The following TRPC4 variants were observed in gnomAD, a reference collection of about 807,000 sequenced individuals.
TRPC4 encodes transient receptor potential cation channel subfamily C member 4.
A neutral mutation model predicts 99.4 loss-of-function variants in TRPC4; 49 were observed. That is an observed-to-expected ratio of 0.49 (90% CI 0.39 to 0.63). The LOEUF (loss-of-function observed/expected upper bound fraction) is 0.63. Ranked by LOEUF, TRPC4 falls within the 20% of genes least tolerant of loss-of-function variation. The pLI is 0.00. For synonymous variants in TRPC4, 454 were observed against 425.9 expected, an observed-to-expected ratio of 1.07 and a Z score of -0.81; for missense variants, 898 against 1,152.9, an observed-to-expected ratio of 0.78 and a Z score of 3.20.
At chr13:37,640,696 C>T (rs569686917) in intron 8 of TRPC4, among the ~76,000 whole-genome samples, 1 of 152,284 alleles carries the variant, frequency 6.6e-6, no homozygotes, top group African/African-American at 2.4e-5. Flanking sequence ...CATATTGAGA[C>T]ATAGCTCAGC....
intron 1 of TRPC4, among the ~76,000 whole-genome samples, chr13:37,784,380 G>A (rs1956919519): frequency 6.6e-6 from 1 of 152,038 alleles, no homozygotes; most frequent in Non-Finnish European, 1.5e-5. Flanking sequence ...GTAAATGAAA[G>A]CTCATCTTAC....
At chr13:37,642,590 A>T (rs1951748464) in intron 8 of TRPC4, among the ~76,000 whole-genome samples, 1 of 152,108 alleles carries the variant, frequency 6.6e-6, no homozygotes, top group Admixed American at 6.5e-5. Context: ...AGGGAATGCA[A>T]GATATTGGGA....
At chr13:37,723,391 C>T (rs1403765164) in intron 3 of TRPC4, among the ~76,000 whole-genome samples, 1 of 151,998 alleles carries the variant, frequency 6.6e-6, no homozygotes, top group Non-Finnish European at 1.5e-5. Flanking sequence ...AAACGCAAAA[C>T]TCCAAATGGC....
chr13:37,780,636 GA>G (rs1273409372), intron 2 of TRPC4, among the ~76,000 whole-genome samples: 1 of 151,988 alleles, frequency 6.6e-6, no homozygotes, highest in Non-Finnish European at 1.5e-5. Flanking sequence ...CCTTCCTTAG[GA>G]AATGAATTAC....
At chr13:37,793,375 T>C (rs1232405863) in intron 1 of TRPC4, among the ~76,000 whole-genome samples, 1 of 151,988 alleles carries the variant, frequency 6.6e-6, no homozygotes, top group South Asian at 2.1e-4. Flanking sequence ...CATGTTGGTG[T>C]GCTGCACCTA....
intron 3 of TRPC4, among the ~76,000 whole-genome samples, chr13:37,736,209 T>C (rs1955389267): frequency 6.6e-6 from 1 of 152,112 alleles, no homozygotes; most frequent in African/African-American, 2.4e-5. Context: ...ACTGAAAGGT[T>C]TGGTCCCTAG....
At chr13:37,784,416 CTA>C (rs1414396286) in intron 1 of TRPC4, among the ~76,000 whole-genome samples, 31 of 151,900 alleles carry the variant, frequency 2.0e-4, no homozygotes, top group African/African-American at 6.8e-4. Flanking sequence ...GTACTGGAAG[CTA>C]TATTGATCTG....
intron 1 of TRPC4, among the ~76,000 whole-genome samples, chr13:37,828,350 T>C (rs1593274176): frequency 6.6e-6 from 1 of 151,992 alleles, no homozygotes; most frequent in South Asian, 2.1e-4. Context: ...GCTGGCGAGG[T>C]TGTGGAGAAA....
intron 1 of TRPC4, among the ~76,000 whole-genome samples, chr13:37,803,674 TAA>T (rs903725940): frequency 6.6e-6 from 1 of 152,034 alleles, no homozygotes; most frequent in Non-Finnish European, 1.5e-5. Context: ...TGATGGGACA[TAA>T]AAACAGAAGA....
In TRPC4 at chr13:37,632,910, C is replaced by T. The variant is rs17056328; in HGVS notation, c.*3993G>A. Among the ~76,000 whole-genome samples, 2 of 152,240 alleles carry T rather than the reference C, an allele frequency of 1.3e-5. No homozygotes were observed. The highest frequency in any genetic ancestry group is 2.4e-5 in the African/African-American group (1 of 41,554). ...ATATTTTCTACAAGGGCAAAGAAGA[C>T]AAAATGTTCCCCAAATAAAAAGTCA... On this transcript the variant is annotated 3_prime_UTR_variant, in exon 11 of 11. Transcript: ENST00000379705.
At chr13:37,860,804 G>C (rs1959257810) in intron 1 of TRPC4, among the ~76,000 whole-genome samples, 1 of 151,400 alleles carries the variant, frequency 6.6e-6, no homozygotes, top group Non-Finnish European at 1.5e-5. Flanking sequence ...TTAGACAATT[G>C]AAAATTCCCA....
At chr13:37,807,706 A>G (rs552115084) in intron 1 of TRPC4, among the ~76,000 whole-genome samples, 1 of 152,220 alleles carries the variant, frequency 6.6e-6, no homozygotes, top group East Asian at 1.9e-4. Flanking sequence ...GTTTCTCCAA[A>G]GAGAAACTAA....
At chr13:37,867,061 C>T (rs995057967) in intron 1 of TRPC4, among the ~76,000 whole-genome samples, 1 of 151,516 alleles carries the variant, frequency 6.6e-6, no homozygotes, top group African/African-American at 2.4e-5. Flanking sequence ...AGCTATATGG[C>T]AATGATGGTT....
In TRPC4 at chr13:37,633,239, AGTTT is replaced by A. The variant is rs1951431106; in HGVS notation, c.*3660_*3663del. 6.6e-6 allele frequency among the ~76,000 whole-genome samples: 1 copy of A among 152,204 alleles called. No homozygotes were observed. Among genetic ancestry groups the A allele is most frequent in the African/African-American group, 2.4e-5 (1 of 41,460 alleles). On this transcript the variant is annotated 3_prime_UTR_variant, in exon 11 of 11. Transcript: ENST00000379705. Reference sequence around the variant, plus strand: ...TATTAAATTTCTAAATTCTATGGTTAGTTTTAAGTCAGAATTTCAGATAATACAG... The same window carrying A: ...TATTAAATTTCTAAATTCTATGGTTATAAGTCAGAATTTCAGATAATACAG...
intron 1 of TRPC4, among the ~76,000 whole-genome samples, chr13:37,807,154 T>A (rs984936531): frequency 5.3e-5 from 8 of 152,076 alleles, no homozygotes; most frequent in Non-Finnish European, 1.2e-4. Context: ...TTGAGCCAGA[T>A]GCACACATTT....
intron 3 of TRPC4, among the ~76,000 whole-genome samples, chr13:37,735,728 T>C (rs1955376741): frequency 6.6e-6 from 1 of 152,218 alleles, no homozygotes. Flanking sequence ...ATGTTTTTGA[T>C]TCTTGTTTTT....
chr13:37,651,293 C>G lies in TRPC4; in HGVS notation c.2051G>C (p.Arg684Thr). ...WTHLCKKKMR[R>T]KPESFGTIGR... ...TATTGTTCCAAAACTTTCTGGCTTT[C>G]TTCTCATCTTTTTCTTGCACAAGTG... Residue 684 changes from arginine (R) to threonine (T), a missense_variant, in exon 8 of 11, where the codon AGA becomes ACA. Coordinates refer to ENST00000379705, the MANE Select transcript of TRPC4 (RefSeq NM_016179.4). 2 of 1,614,072 alleles carry G rather than the reference C, an allele frequency of 1.2e-6. No individual in the cohort carries two copies. The highest frequency in any genetic ancestry group is 2.2e-5 in the East Asian group (1 of 44,876).
intron 3 of TRPC4, among the ~76,000 whole-genome samples, chr13:37,727,315 A>C (rs1955096961): frequency 6.6e-6 from 1 of 152,048 alleles, no homozygotes; most frequent in Non-Finnish European, 1.5e-5. Flanking sequence ...AAATTAAACA[A>C]CGTACTTTTA....
chr13:37,831,793 A>C (rs1294746524), intron 1 of TRPC4, among the ~76,000 whole-genome samples: 1 of 152,194 alleles, frequency 6.6e-6, no homozygotes, highest in African/African-American at 2.4e-5. Flanking sequence ...CAGAGAGACA[A>C]ATACTTGCAT....
Sources: gnomAD v4.1 joint callset for allele counts (sites outside exome capture counted in the v4.1 genomes callset) on GRCh38, gnomAD v4.1.1 for gene constraint, MANE v1.5 for transcripts, NCBI Gene and HGNC (gene_info 2026-07-23, HGNC 2026-07-21) for gene names.